The following PSG6 variants were observed in gnomAD, a reference collection of about 807,000 sequenced individuals.
PSG6 encodes the protein pregnancy specific beta-1-glycoprotein 6.
PSG6 carries 51 observed loss-of-function variants against 43.3 expected under a neutral mutation model. That is an observed-to-expected ratio of 1.18 (90% CI 0.94 to 1.49). The LOEUF (loss-of-function observed/expected upper bound fraction) is 1.49, where lower values mean the gene tolerates loss of function less well. Ranked by LOEUF, PSG6 falls within the 40% of genes most tolerant of loss-of-function variation. The probability of loss-of-function intolerance (pLI) is 0.00; values close to 1 mark genes in which losing one functional copy is unlikely to be tolerated. For synonymous variants in PSG6, 292 were observed against 197.6 expected (o/e 1.48, Z -4.01); for missense variants, 770 against 522.2 (o/e 1.47, Z -4.62).
chr19:42,906,177 T>A (rs372221096), intron 5 of PSG6, among the ~76,000 whole-genome samples: 1 of 151,632 alleles, frequency 6.6e-6, no homozygotes, highest in Non-Finnish European at 1.5e-5. Context: ...CATCAGTCAC[T>A]GTCCTCCGTG....
At chr19:42,913,900 A>G (rs550144317) in intron 2 of PSG6, among the ~76,000 whole-genome samples, 24 of 151,674 alleles carry the variant, frequency 1.6e-4, no homozygotes, top group African/African-American at 5.3e-4. Context: ...CCCTGAAACT[A>G]TCCTTGAAAA....
At position 42,910,019 on chromosome 19, in the gene PSG6, T is replaced by G. The variant is rs200541513; in HGVS notation, c.706+561A>C. ...CTCTATATGTTTTAGTGATTTGGGG[T>G]ATAAAGAACACTTGTGCTGATTGCT... On this transcript the variant is annotated intron_variant, in intron 3 of 5. Transcript: ENST00000187910. 256 of 172,408 alleles carry G rather than the reference T, an allele frequency of 1.5e-3. 4 individuals carry two copies. Among genetic ancestry groups the G allele is most frequent in the African/African-American group, 3.8e-3 (158 of 41,946 alleles). The allele number at this position is 172,408 out of a possible 1,614,324, so 10.7% of individuals were successfully genotyped here. A position where few individuals can be genotyped will look rare whatever the true frequency, so the allele number is the denominator to read the frequency against.
chr19:42,902,576 C>T lies in PSG6; in HGVS notation c.1241-130G>A, dbSNP rs537481975. On this transcript the variant is annotated intron_variant, in intron 5 of 5. Coordinates refer to ENST00000187910, the MANE Select transcript of PSG6 (RefSeq NM_001031850.4). ...AGTTCTCCGAGGCTCTCTTTAACTCCAATGGGTGACTGGTTGGAGGATTCC... is the reference window on the plus strand; with the variant it reads ...AGTTCTCCGAGGCTCTCTTTAACTCTAATGGGTGACTGGTTGGAGGATTCC... 2.8e-4 allele frequency: 349 copies of T among 1,262,992 alleles called. 3 individuals are homozygous for T. Among genetic ancestry groups the T allele is most frequent in the East Asian group, 1.4e-3 (60 of 41,810 alleles). The allele number at this position is 1,262,992 out of a possible 1,614,324, so 78.2% of individuals were successfully genotyped here.
chr19:42,906,782 A>G, intron 5 of PSG6, 140 bp downstream of exon 5: 1 of 1,592,878 alleles, frequency 6.3e-7, no homozygotes, highest in South Asian at 1.1e-5. Context: ...ATAAGTTGGG[A>G]GGGTTCAGGA....
In PSG6 at chr19:42,917,606, A is replaced by G; in HGVS notation, c.64+123T>C. 9.1e-6 allele frequency: 13 copies of G among 1,433,222 alleles called. 1 individual carries two copies. The highest frequency in any genetic ancestry group is 2.8e-5 in the African/African-American group (2 of 70,444). The allele number at this position is 1,433,222 out of a possible 1,614,324, so 88.8% of individuals were successfully genotyped here. ...TCTTGAACTCCTGATCTCGTGATCCACCCACCTCAGCCTCCCTAAGTGCTG... is the reference window on the plus strand; with the variant it reads ...TCTTGAACTCCTGATCTCGTGATCCGCCCACCTCAGCCTCCCTAAGTGCTG... On this transcript the variant is annotated intron_variant, in intron 1 of 5. Coordinates refer to ENST00000187910, the MANE Select transcript of PSG6 (RefSeq NM_001031850.4).
At chr19:42,910,199 G>A (rs1047381139) in intron 3 of PSG6, 6 of 383,674 alleles carry the variant, frequency 1.6e-5, no homozygotes, top group African/African-American at 8.2e-5. Context: ...TAATGTCACA[G>A]GCGATATTGT....
intron 2 of PSG6, chr19:42,915,660 A>G (rs1294262278): frequency 1.5e-5 from 3 of 195,536 alleles, no homozygotes; most frequent in Non-Finnish European, 3.1e-5. Context: ...AAGCCCTGCC[A>G]AAGAAGCCAC....
intron 3 of PSG6, among the ~76,000 whole-genome samples, chr19:42,909,205 C>T (rs561765723): frequency 6.6e-6 from 1 of 151,488 alleles, no homozygotes; most frequent in South Asian, 2.1e-4. Flanking sequence ...ATATTCTTGC[C>T]CTTTTTTTTC....
At chr19:42,910,473 G>T in intron 3 of PSG6, 107 bp downstream of exon 3, 1 of 1,610,962 alleles carries the variant, frequency 6.2e-7, no homozygotes, top group Non-Finnish European at 8.5e-7. Context: ...TGATGTTCAG[G>T]GATAAAGGTC....
intron 5 of PSG6, among the ~76,000 whole-genome samples, chr19:42,904,351 A>G (rs1316502236): frequency 1.3e-5 from 2 of 151,682 alleles, no homozygotes; most frequent in Non-Finnish European, 2.9e-5. Context: ...AGGAAGGAGT[A>G]AAATTATTTC....
At chr19:42,912,213 G>A (rs1812066786) in intron 2 of PSG6, among the ~76,000 whole-genome samples, 1 of 151,490 alleles carries the variant, frequency 6.6e-6, no homozygotes. Context: ...GTGGATTTCT[G>A]GATTTCCGAT....
At chr19:42,912,884 C>T (rs1972253688) in intron 2 of PSG6, among the ~76,000 whole-genome samples, 1 of 151,628 alleles carries the variant, frequency 6.6e-6, no homozygotes, top group Admixed American at 6.6e-5. Context: ...ACCTGGCCAC[C>T]TCCATCTGGT....
chr19:42,907,418 C>G (rs866229471), intron 4 of PSG6, among the ~76,000 whole-genome samples, 158 bp downstream of exon 4: 1 of 151,884 alleles, frequency 6.6e-6, no homozygotes, highest in Non-Finnish European at 1.5e-5. Flanking sequence ...TAAGGCTGTG[C>G]CTACCCAGGA....
At chr19:42,911,157 C>T (rs1214978142) in intron 2 of PSG6, among the ~76,000 whole-genome samples, 3 of 151,542 alleles carry the variant, frequency 2.0e-5, no homozygotes, top group Non-Finnish European at 2.9e-5. Flanking sequence ...TGAGTCCCTC[C>T]GTCTCCAACT....
chr19:42,907,596 G>C lies in PSG6; in HGVS notation c.965C>G (p.Pro322Arg). Residue 322 changes from proline to arginine, a missense_variant, in exon 4 of 6, where the codon CCA (proline) becomes CGA (arginine). Coordinates refer to ENST00000187910, the MANE Select transcript of PSG6 (RefSeq NM_001031850.4). ...CTCACAGAGGACATTCAGGGTGACT[G>C]GGTTACTGCGGATGCCACCATATCG... is the stretch of plus-strand genomic sequence containing the variant. ...RDRYGGIRSN[P>R]VTLNVLYGPD... 1 of 1,612,022 alleles carries C rather than the reference G, an allele frequency of 6.2e-7. No individual in the cohort carries two copies. The highest frequency in any genetic ancestry group is 1.1e-5 in the South Asian group (1 of 90,792).
chr19:42,902,804 A>T (rs1458018934), intron 5 of PSG6, among the ~76,000 whole-genome samples: 1 of 151,482 alleles, frequency 6.6e-6, no homozygotes, highest in African/African-American at 2.4e-5. Flanking sequence ...TCAGTTGGTA[A>T]AAACTAACAT....
intron 5 of PSG6, chr19:42,903,576 G>T (rs1043087900): frequency 1.6e-5 from 22 of 1,416,332 alleles, no homozygotes; most frequent in Admixed American, 6.2e-5. Flanking sequence ...AAAGAGAAAA[G>T]ATAAAATTAC....
Position 42,917,870 on chromosome 19 carries a change from G to C in PSG6, c.-78C>G. The C allele has an allele frequency of 6.5e-7, 1 of 1,530,466 alleles. No homozygotes were observed. Among genetic ancestry groups the C allele is most frequent in the South Asian group, 1.2e-5 (1 of 82,272 alleles). 94.8% of individuals were successfully genotyped at this position (1,530,466 alleles called of 1,614,324 possible). A position where few individuals can be genotyped will look rare whatever the true frequency, so the allele number is the denominator to read the frequency against. On this transcript the variant is annotated 5_prime_UTR_variant, in exon 1 of 6. Coordinates refer to ENST00000187910, the MANE Select transcript of PSG6 (RefSeq NM_001031850.4). ...GACTTCCTGAGCAGGGCTGTCAGGT[G>C]TGCTGTCCTTCCTCCTTCTGTGCTG...
intron 3 of PSG6, 120 bp downstream of exon 3, chr19:42,910,460 C>G (rs145559951): frequency 8.1e-6 from 13 of 1,609,484 alleles, no homozygotes; most frequent in African/African-American, 1.3e-5. Context: ...TCATGGCCAG[C>G]TTTGATGTTC....
Sources: gnomAD v4.1 joint callset for allele counts (sites outside exome capture counted in the v4.1 genomes callset) on GRCh38, gnomAD v4.1.1 for gene constraint, MANE v1.5 for transcripts, NCBI Gene and HGNC (gene_info 2026-07-23, HGNC 2026-07-21) for gene names.